BBX: variants seen among roughly 807,000 people sequenced by gnomAD.
BBX encodes the protein BBX high mobility group box domain containing, also known as HMG box transcription factor BBX.
A neutral mutation model predicts 100.2 loss-of-function variants in BBX; 30 were observed. The observed-to-expected ratio is 0.30, with a 90% CI of 0.22 to 0.41. The LOEUF is 0.41. BBX is among the 10% of genes least tolerant of loss of function. The probability of loss-of-function intolerance (pLI) is 1.00; values close to 1 mark genes in which losing one functional copy is unlikely to be tolerated. For missense variants in BBX, 1,023 were observed against 1,129.8 expected (o/e 0.91, Z 1.35); for synonymous variants, 376 against 388.1 (o/e 0.97, Z 0.37).
intron 3 of BBX, among the ~76,000 whole-genome samples, chr3:107,694,939 G>A (rs928102970): frequency 5.3e-5 from 8 of 151,662 alleles, no homozygotes; most frequent in Non-Finnish European, 8.8e-5. Context: ...TGTATGTGTC[G>A]AGGAATTTAT....
intron 3 of BBX, among the ~76,000 whole-genome samples, chr3:107,695,168 TG>T (rs2060497117): frequency 8.2e-6 from 1 of 122,108 alleles, no homozygotes; most frequent in African/African-American, 3.4e-5. Flanking sequence ...ATTAATTTTT[TG>T]AAGGGTTTTT....
intron 3 of BBX, chr3:107,663,005 A>T (rs2058542231): frequency 6.6e-6 from 1 of 152,230 alleles, no homozygotes; most frequent in Non-Finnish European, 1.5e-5. Flanking sequence ...TATACAGAAA[A>T]TGCTATAGAT....
intron 2 of BBX, among the ~76,000 whole-genome samples, chr3:107,598,805 C>T (rs1414424708): frequency 6.6e-6 from 1 of 152,176 alleles, no homozygotes; most frequent in Non-Finnish European, 1.5e-5. Flanking sequence ...TACTATTTCT[C>T]TTGAGGACTG....
chr3:107,753,806 T>G (rs2107662828), intron 9 of BBX, among the ~76,000 whole-genome samples: 1 of 152,368 alleles, frequency 6.6e-6, no homozygotes, highest in Middle Eastern at 3.4e-3. Flanking sequence ...TGGGATTATG[T>G]GACAAATTTA....
At chr3:107,652,638 C>T (rs752041608) in intron 3 of BBX, among the ~76,000 whole-genome samples, 6 of 152,144 alleles carry the variant, frequency 3.9e-5, no homozygotes, top group Non-Finnish European at 8.8e-5. Context: ...TGGCTTCCTG[C>T]ATTTAATGCT....
In BBX at chr3:107,540,140, C is replaced by T. The variant is rs16853595; in HGVS notation, c.-84+13742C>T. On this transcript the variant is annotated intron_variant, in intron 2 of 17. Transcript: ENST00000325805. Reference sequence around the variant, plus strand: ...TGGACAGTGTTTATGTAGTTCAGCACGAGGGATCTGGCAGAGGCCATAGAT... The same window carrying T: ...TGGACAGTGTTTATGTAGTTCAGCATGAGGGATCTGGCAGAGGCCATAGAT... 8.8e-3 allele frequency among the ~76,000 whole-genome samples: 1,334 copies of T among 152,154 alleles called. 24 individuals carry two copies. Among genetic ancestry groups the T allele is most frequent in the African/African-American group, 0.03 (1,265 of 41,494 alleles).
intron 7 of BBX, among the ~76,000 whole-genome samples, chr3:107,733,775 A>G (rs535746656): frequency 2.6e-5 from 4 of 152,264 alleles, no homozygotes; most frequent in African/African-American, 9.6e-5. Flanking sequence ...GCCTGTTTGA[A>G]TCTTTAAAAT....
intron 3 of BBX, among the ~76,000 whole-genome samples, chr3:107,655,370 C>G (rs1369515611): frequency 6.6e-6 from 1 of 151,958 alleles, no homozygotes; most frequent in Non-Finnish European, 1.5e-5. Flanking sequence ...CAAACTATGT[C>G]AATTTTTTAA....
At chr3:107,711,097 C>G (rs1419302982) in intron 4 of BBX, among the ~76,000 whole-genome samples, 8 of 152,244 alleles carry the variant, frequency 5.3e-5, no homozygotes, top group Non-Finnish European at 1.2e-4. Context: ...AGTCCTTTCT[C>G]TGGCATCAGG....
chr3:107,590,603 A>G lies in BBX; in HGVS notation c.-83-55233A>G, dbSNP rs148542083. Reference sequence around the variant, plus strand: ...TAGCTCCCATGTATGAGTGAGAACTATACACATCTATCTTACATTCGTTTT... The same window carrying G: ...TAGCTCCCATGTATGAGTGAGAACTGTACACATCTATCTTACATTCGTTTT... On this transcript the variant is annotated intron_variant, in intron 2 of 17. Transcript: ENST00000325805. Among the ~76,000 whole-genome samples the G allele has an allele frequency of 9.2e-5, 14 of 152,298 alleles. No individual in the cohort carries two copies. In the East Asian group the frequency reaches 2.3e-3, roughly 25 times the overall value.
intron 9 of BBX, among the ~76,000 whole-genome samples, chr3:107,755,161 T>G (rs2065377932): frequency 6.6e-6 from 1 of 152,216 alleles, no homozygotes; most frequent in Non-Finnish European, 1.5e-5. Flanking sequence ...ATATATTGGA[T>G]TCTAAACAAA....
intron 3 of BBX, among the ~76,000 whole-genome samples, chr3:107,691,065 C>G (rs866111751): frequency 3.3e-4 from 50 of 151,814 alleles, no homozygotes; most frequent in African/African-American, 1.2e-3. Flanking sequence ...CACCACCATG[C>G]CTGGTTAATT....
intron 3 of BBX, among the ~76,000 whole-genome samples, chr3:107,708,639 A>C (rs1043569757): frequency 4.0e-5 from 6 of 149,494 alleles, no homozygotes; most frequent in African/African-American, 1.5e-4. Flanking sequence ...GCACCACTGC[A>C]CTCCAACCTA....
At chr3:107,651,182 T>G (rs910879088) in intron 3 of BBX, among the ~76,000 whole-genome samples, 5 of 152,252 alleles carry the variant, frequency 3.3e-5, no homozygotes, top group Non-Finnish European at 1.5e-5. Context: ...TTTTTGTTTT[T>G]CTTTACCAAA....
chr3:107,737,914 T>TTA (rs2063768754), intron 7 of BBX, among the ~76,000 whole-genome samples: 3 of 135,872 alleles, frequency 2.2e-5, no homozygotes, highest in Non-Finnish European at 3.2e-5. Flanking sequence ...TTTTTTTTTT[T>TTA]AACTATTTGT....
At chr3:107,535,317 TAAGGA>T (rs1158939927) in intron 2 of BBX, among the ~76,000 whole-genome samples, 1 of 152,186 alleles carries the variant, frequency 6.6e-6, no homozygotes, top group Non-Finnish European at 1.5e-5. Context: ...TTATCACTTG[TAAGGA>T]AAGTTACGTG....
chr3:107,796,752 C>G (rs931060457), intron 15 of BBX, among the ~76,000 whole-genome samples: 22 of 151,718 alleles, frequency 1.5e-4, no homozygotes, highest in African/African-American at 5.3e-4. Context: ...TATGTACCAC[C>G]ACTGGCCTAT....
At chr3:107,575,982 G>T (rs1220037098) in intron 2 of BBX, among the ~76,000 whole-genome samples, 1 of 152,184 alleles carries the variant, frequency 6.6e-6, no homozygotes. Flanking sequence ...GCTGCAGTGA[G>T]CAGTGACTGT....
intron 2 of BBX, among the ~76,000 whole-genome samples, chr3:107,617,996 G>A (rs1012722472): frequency 3.3e-5 from 5 of 151,846 alleles, no homozygotes; most frequent in Non-Finnish European, 2.9e-5. Flanking sequence ...TTCTCTTGTA[G>A]TGTTAGCTGT....
Sources: gnomAD v4.1 joint callset for allele counts (sites outside exome capture counted in the v4.1 genomes callset) on GRCh38, gnomAD v4.1.1 for gene constraint, MANE v1.5 for transcripts, NCBI Gene and HGNC (gene_info 2026-07-23, HGNC 2026-07-21) for gene names.